ANK3: variants seen among roughly 807,000 people sequenced by gnomAD.
ANK3 encodes ankyrin-3.
A neutral mutation model predicts 370.9 loss-of-function variants in ANK3; 57 were observed. That is an observed-to-expected ratio of 0.15 (90% CI 0.12 to 0.19). ANK3 has a LOEUF of 0.19. Ranked by LOEUF, ANK3 falls within the 10% of genes least tolerant of loss-of-function variation. The pLI is 1.00. For missense variants in ANK3, 4,439 were observed against 5,302.1 expected, an observed-to-expected ratio of 0.84 and a Z score of 5.06; for synonymous variants, 1,929 against 1,946.3, an observed-to-expected ratio of 0.99 and a Z score of 0.23.
intron 16 of ANK3, among the ~76,000 whole-genome samples, chr10:60,189,405 C>T (rs1440649759): frequency 6.6e-6 from 1 of 152,134 alleles, no homozygotes. Flanking sequence ...ACAGACTCAG[C>T]TCTGTAATAT....
At chr10:60,130,678 C>G (rs1298706421) in intron 25 of ANK3, among the ~76,000 whole-genome samples, 2 of 152,194 alleles carry the variant, frequency 1.3e-5, no homozygotes, top group African/African-American at 4.8e-5. Context: ...AAATGCACTT[C>G]TGAAGTAAAT....
At chr10:60,505,633 G>A (rs570832971) in intron 2 of ANK3, among the ~76,000 whole-genome samples, 1 of 152,030 alleles carries the variant, frequency 6.6e-6, no homozygotes, top group South Asian at 2.1e-4. Flanking sequence ...AATTCCTTAT[G>A]CTACAAAATC....
rs548263272 is a variant in ANK3, at chr10:60,500,394, GT to G, written c.96+114791del. 3.1e-3 allele frequency among the ~76,000 whole-genome samples: 469 copies of G among 152,226 alleles called. 9 individuals are homozygous for G. Among genetic ancestry groups the G allele is most frequent in the African/African-American group, 0.011 (452 of 41,544 alleles). ...GTTAAGCATGATGAAGAAAAAAAGA[GT>G]TTCAATTTGTGGAAGGTATTAGGAA... On this transcript the variant is annotated intron_variant, in intron 2 of 43. Transcript: ENST00000373827.
intron 34 of ANK3, 140 bp downstream of exon 34, chr10:60,082,475 T>G: frequency 8.5e-7 from 1 of 1,171,160 alleles, no homozygotes; most frequent in Non-Finnish European, 1.2e-6. Context: ...TAACAAGACT[T>G]AGGCAATCTA....
Position 60,468,997 on chromosome 10 carries a change from G to GTATATATA in ANK3, c.96+146181_96+146188dup, listed in dbSNP as rs71015794. Among the ~76,000 whole-genome samples the GTATATATA allele has an allele frequency of 4.3e-4, 10 of 23,256 alleles. 1 individual carries two copies. Among genetic ancestry groups the GTATATATA allele is most frequent in the South Asian group, 2.2e-3 (1 of 456 alleles). The allele number at this position is 23,256 out of a possible 152,430, so 15.3% of individuals were successfully genotyped here. A position where few individuals can be genotyped will look rare whatever the true frequency, so the allele number is the denominator to read the frequency against. Reference sequence around the variant, plus strand: ...ACTATATATATACCACTTTTAGTGTGTATATATATATATATATATATACCA... The same window carrying GTATATATA: ...ACTATATATATACCACTTTTAGTGTGTATATATATATATATATATATATATATATACCA... On this transcript the variant is annotated intron_variant, in intron 2 of 43. Coordinates refer to the ANK3 transcript ENST00000373827.
intron 4 of ANK3, among the ~76,000 whole-genome samples, chr10:60,277,694 A>G (rs2098111880): frequency 6.6e-6 from 1 of 152,160 alleles, no homozygotes; most frequent in African/African-American, 2.4e-5. Context: ...TGTGCCATGT[A>G]CCCACAGCTC....
chr10:60,547,048 C>T (rs1428012315), intron 2 of ANK3, among the ~76,000 whole-genome samples: 2 of 150,520 alleles, frequency 1.3e-5, no homozygotes, highest in Non-Finnish European at 3.0e-5. Context: ...GTTGTCTTTG[C>T]TTCCTCATCT....
At chr10:60,246,456 G>A (rs78272901) in intron 7 of ANK3, among the ~76,000 whole-genome samples, 3,772 of 152,146 alleles carry the variant, frequency 0.025, 80 homozygotes, top group Non-Finnish European at 0.036. Context: ...TGGATAAGGA[G>A]ATTAAGTCCA....
chr10:60,432,576 A>G (rs914373836), intron 2 of ANK3, among the ~76,000 whole-genome samples: 2 of 152,216 alleles, frequency 1.3e-5, no homozygotes, highest in African/African-American at 2.4e-5. Context: ...GGAATTGACT[A>G]TCCATGGAGT....
intron 25 of ANK3, among the ~76,000 whole-genome samples, chr10:60,119,099 T>A (rs192359628): frequency 3.2e-4 from 48 of 152,376 alleles, no homozygotes; most frequent in African/African-American, 1.1e-3. Flanking sequence ...CACTTAAACA[T>A]GTTTTTAGGT....
At chr10:60,569,234 T>G (rs1388836481) in intron 2 of ANK3, among the ~76,000 whole-genome samples, 2 of 152,192 alleles carry the variant, frequency 1.3e-5, no homozygotes, top group African/African-American at 2.4e-5. Context: ...ACATCAAGCT[T>G]GAAATTCCAC....
At chr10:60,675,763 A>T (rs1381454288) in intron 1 of ANK3, among the ~76,000 whole-genome samples, 1 of 152,228 alleles carries the variant, frequency 6.6e-6, no homozygotes, top group Non-Finnish European at 1.5e-5. Context: ...ATTGTTCTCA[A>T]AAGAGGCAGT....
chr10:60,090,135 G>A (rs911086236), intron 28 of ANK3, among the ~76,000 whole-genome samples: 2 of 152,062 alleles, frequency 1.3e-5, no homozygotes, highest in Non-Finnish European at 2.9e-5. Flanking sequence ...GGGCCAACAT[G>A]GTGAAATCCC....
chr10:60,683,698 T>G (rs1052871107), intron 1 of ANK3, among the ~76,000 whole-genome samples: 6 of 152,228 alleles, frequency 3.9e-5, no homozygotes, highest in African/African-American at 1.4e-4. Flanking sequence ...TTTCCTTTCT[T>G]CAGAAAACAA....
At chr10:60,422,446 T>C (rs193255065) in intron 2 of ANK3, among the ~76,000 whole-genome samples, 14 of 152,252 alleles carry the variant, frequency 9.2e-5, no homozygotes, top group African/African-American at 3.1e-4. Context: ...TCCAAGTTCA[T>C]TGAAGTAATC....
At chr10:60,131,859 C>T (rs1303271715) in intron 25 of ANK3, among the ~76,000 whole-genome samples, 2 of 152,022 alleles carry the variant, frequency 1.3e-5, no homozygotes, top group African/African-American at 4.8e-5. Context: ...GGCCCTTGAC[C>T]CATAGCAAGT....
intron 2 of ANK3, among the ~76,000 whole-genome samples, chr10:60,510,760 T>C (rs2076058802): frequency 6.6e-6 from 1 of 151,992 alleles, no homozygotes; most frequent in African/African-American, 2.4e-5. Flanking sequence ...GTGGAGGTTG[T>C]AGTGAACTGA....
chr10:60,635,559 A>C (rs2078542303), intron 1 of ANK3, among the ~76,000 whole-genome samples: 1 of 152,152 alleles, frequency 6.6e-6, no homozygotes, highest in African/African-American at 2.4e-5. Flanking sequence ...CATTCATAGA[A>C]CATTTCACAT....
intron 17 of ANK3, among the ~76,000 whole-genome samples, chr10:60,184,174 T>C (rs988549196): frequency 2.0e-5 from 3 of 152,152 alleles, no homozygotes; most frequent in African/African-American, 7.2e-5. Flanking sequence ...TTTTTAATAG[T>C]TATTTTTTAG....
Sources: gnomAD v4.1 joint callset for allele counts (sites outside exome capture counted in the v4.1 genomes callset) on GRCh38, gnomAD v4.1.1 for gene constraint, MANE v1.5 for transcripts, NCBI Gene and HGNC (gene_info 2026-07-23, HGNC 2026-07-21) for gene names.